Variants in RAI1 observed in about 807,000 individuals in gnomAD.
RAI1 encodes the protein retinoic acid-induced protein 1.
In RAI1, 9 loss-of-function variants were observed where a neutral mutation model predicts 123.8. The ratio of observed to expected loss-of-function variants is 0.07; its 90% confidence interval spans 0.04 to 0.13. The LOEUF is 0.13. Among genes scored for constraint, RAI1 ranks in the 10% least tolerant of loss-of-function variants. The pLI, the probability that RAI1 is intolerant of heterozygous loss-of-function variation, is 1.00. For synonymous variants in RAI1, 1,231 were observed against 1,127.3 expected (o/e 1.09, Z -1.84); for missense variants, 2,256 against 2,545.8 (o/e 0.89, Z 2.45).
At chr17:17,723,076 A>G (rs1188505285) in intron 1 of RAI1, among the ~76,000 whole-genome samples, 3 of 152,076 alleles carry the variant, frequency 2.0e-5, no homozygotes, top group Admixed American at 1.3e-4. Flanking sequence ...CTGCCCCTAC[A>G]TGCGCAGCCC....
In RAI1 at chr17:17,810,242, C is replaced by A; in HGVS notation, c.*261C>A. The A allele has an allele frequency of 3.7e-6, 2 of 541,710 alleles. No homozygotes were observed. Among genetic ancestry groups the A allele is most frequent in the South Asian group, 2.6e-5 (1 of 38,088 alleles). The allele number at this position is 541,710 out of a possible 1,614,324, so 33.6% of individuals were successfully genotyped here. On this transcript the variant is annotated 3_prime_UTR_variant, in exon 6 of 6. Coordinates refer to ENST00000353383, the MANE Select transcript of RAI1 (RefSeq NM_030665.4). This position sits in a 1 kb window ranked among gnomAD's most constrained non-coding sequence, Gnocchi z 4.6. The stretch of plus-strand genomic sequence containing the variant: ...AGGGCGTTCTTGCCCACCCCAGGGG[C>A]CAGGCTTGCGGAGGGGGAGCCCGCG...
At chr17:17,761,145 C>T (rs1445337578) in intron 2 of RAI1, among the ~76,000 whole-genome samples, 3 of 152,154 alleles carry the variant, frequency 2.0e-5, no homozygotes, top group Non-Finnish European at 4.4e-5. Context: ...TAATGATAGA[C>T]CAGTATTGTC....
Position 17,793,231 on chromosome 17 carries a change from C to A in RAI1, c.283C>A (p.Pro95Thr), listed in dbSNP as rs566514527. 4 of 1,611,714 alleles carry A rather than the reference C, an allele frequency of 2.5e-6. No homozygotes were observed. The highest frequency in any genetic ancestry group is 1.7e-5 in the Admixed American group (1 of 59,924). Residue 95 changes from proline (P) to threonine (T), a missense_variant, in exon 3 of 6, where the codon CCG becomes ACG. Around this residue, in one of 7 missense-constraint regions of RAI1, gnomAD observed 336 missense variants for 349.8 expected, o/e 0.96. Coordinates refer to ENST00000353383, the MANE Select transcript of RAI1 (RefSeq NM_030665.4). ...LPTQQGLQGR[P>T]AFPGYGVQDS... ...CACACAGCAAGGCCTGCAGGGGAGGCCGGCTTTCCCTGGCTACGGCGTCCA... is the reference window on the plus strand; with the variant it reads ...CACACAGCAAGGCCTGCAGGGGAGGACGGCTTTCCCTGGCTACGGCGTCCA...
rs34083643 is a variant in RAI1 at position 17,793,787 on chromosome 17, AG to A, written c.840del (p.Gln280HisfsTer84). On this transcript the variant is annotated frameshift_variant, in exon 3 of 6. Transcript: ENST00000353383. LOFTEE classifies it high-confidence loss of function. ...GGCCGCCTCAGCTATGACCAGCAGC[AG>A]CAGCAGCAGCAGCAGCAGCAGCAGC... The part of the protein sequence containing the change: ...QSGRLSYDQQ[Q>X]QQQQQQQQQQ... The A allele has an allele frequency of 0.33, 500,548 of 1,514,454 alleles. 59,809 individuals carry two copies. Among genetic ancestry groups the A allele is most frequent in the East Asian group, 0.67 (28,362 of 42,408 alleles). The allele number at this position is 1,514,454 out of a possible 1,614,324, so 93.8% of individuals were successfully genotyped here.
chr17:17,686,097 G>A (rs1914619016), intron 1 of RAI1, among the ~76,000 whole-genome samples: 1 of 152,382 alleles, frequency 6.6e-6, no homozygotes, highest in Middle Eastern at 3.4e-3. Context: ...ATCGAGGCCT[G>A]AAAGCACGTC....
chr17:17,719,266 T>G (rs1256436983), intron 1 of RAI1, among the ~76,000 whole-genome samples: 1 of 152,170 alleles, frequency 6.6e-6, no homozygotes, highest in African/African-American at 2.4e-5. Flanking sequence ...GTCCCTACAA[T>G]GGTGTGTGTG....
intron 4 of RAI1, chr17:17,804,094 G>A (rs1307507634): frequency 6.8e-6 from 4 of 590,138 alleles, no homozygotes; most frequent in Non-Finnish European, 9.5e-6. Context: ...AGGGAAGATA[G>A]AAGCATAAAT....
intron 2 of RAI1, among the ~76,000 whole-genome samples, chr17:17,745,971 A>C (rs570879155): frequency 6.6e-6 from 1 of 152,242 alleles, no homozygotes; most frequent in South Asian, 2.1e-4. Context: ...GGGGACAGGG[A>C]CTGGGTGCGT....
At chr17:17,682,709 C>G (rs1167098155) in intron 1 of RAI1, 1 of 152,256 alleles carries the variant, frequency 6.6e-6, no homozygotes, top group Non-Finnish European at 1.5e-5. Flanking sequence ...AGGCCCTAGG[C>G]CGTCGCGGCC....
chr17:17,719,098 AC>A (rs566200454), intron 1 of RAI1, among the ~76,000 whole-genome samples: 286 of 152,206 alleles, frequency 1.9e-3, no homozygotes, highest in Middle Eastern at 6.8e-3. Flanking sequence ...ATCATTGCCC[AC>A]CTGGACTAGT....
At chr17:17,802,558 C>T (rs2032496041) in intron 3 of RAI1, among the ~76,000 whole-genome samples, 1 of 152,068 alleles carries the variant, frequency 6.6e-6, no homozygotes, top group Admixed American at 6.5e-5. Flanking sequence ...GGGCGGATCA[C>T]GAGGTCAGGA....
At chr17:17,722,315 AGG>A (rs1283782815) in intron 1 of RAI1, among the ~76,000 whole-genome samples, 1 of 151,992 alleles carries the variant, frequency 6.6e-6, no homozygotes, top group Non-Finnish European at 1.5e-5. Flanking sequence ...CGGCCGGGAG[AGG>A]GGCGGGCCAG....
chr17:17,796,026 C>G lies in RAI1; in HGVS notation c.3078C>G (p.Leu1026=). The stretch of plus-strand genomic sequence containing the variant: ...CAGTGCTGCCCAAAGACCTCTTGCT[C>G]CCTGAATCCTGCACAGGGCCCCCCC... ...RAPVLPKDLL[L]PESCTGPPQG... The change falls in exon 3 of 6, where the codon CTC becomes CTG. Residue 1026 remains leucine (L), a synonymous_variant. Transcript: ENST00000353383. The surrounding 1 kb of genome is among the most constrained non-coding windows in gnomAD (Gnocchi z 5.8). 1 of 1,592,398 alleles carries G rather than the reference C, an allele frequency of 6.3e-7. No individual in the cohort carries two copies. Among genetic ancestry groups the G allele is most frequent in the Non-Finnish European group, 8.5e-7 (1 of 1,170,508 alleles).
intron 2 of RAI1, among the ~76,000 whole-genome samples, chr17:17,772,358 C>T (rs1259706250): frequency 2.6e-5 from 4 of 152,202 alleles, no homozygotes; most frequent in Admixed American, 1.3e-4. Flanking sequence ...GTCCCAGCTT[C>T]CTGTTCACTG....
At chr17:17,749,252 C>A (rs1236685663) in intron 2 of RAI1, among the ~76,000 whole-genome samples, 1 of 152,214 alleles carries the variant, frequency 6.6e-6, no homozygotes, top group African/African-American at 2.4e-5. Flanking sequence ...ATAGCTCTCC[C>A]GGCTGGAGAC....
chr17:17,779,102 A>T (rs1047246177), intron 2 of RAI1: 1 of 351,332 alleles, frequency 2.8e-6, no homozygotes, highest in South Asian at 2.2e-5. Context: ...AAAGAGAGAG[A>T]AATCAGCCAG....
chr17:17,740,942 C>T (rs1266987541), intron 2 of RAI1, among the ~76,000 whole-genome samples: 1 of 91,954 alleles, frequency 1.1e-5, no homozygotes, highest in Non-Finnish European at 2.1e-5. Context: ...TGCCCTTGAA[C>T]AGGGAGGCCG....
At chr17:17,696,942 T>G (rs550235325) in intron 1 of RAI1, among the ~76,000 whole-genome samples, 1 of 152,328 alleles carries the variant, frequency 6.6e-6, no homozygotes, top group South Asian at 2.1e-4. Flanking sequence ...AGGAGTTGGT[T>G]TCTGCTGCCC....
intron 2 of RAI1, among the ~76,000 whole-genome samples, chr17:17,738,461 G>A (rs1916511911): frequency 6.6e-6 from 1 of 152,164 alleles, no homozygotes; most frequent in Non-Finnish European, 1.5e-5. Flanking sequence ...CGGTCAGGCT[G>A]GGAGGAGCCT....
Sources: gnomAD v4.1 joint callset for allele counts (sites outside exome capture counted in the v4.1 genomes callset) on GRCh38, gnomAD v4.1.1 for gene constraint, gnomAD v4.1.1 regional missense constraint, Gnocchi (gnomAD v3.1) non-coding constraint, MANE v1.5 for transcripts, NCBI Gene and HGNC (gene_info 2026-07-23, HGNC 2026-07-21) for gene names.